SMARCA2: variants seen among roughly 807,000 people sequenced by gnomAD.
SMARCA2 encodes the protein SWI/SNF related BAF chromatin remodeling complex subunit ATPase 2.
Under a neutral mutation model 199.8 loss-of-function variants are expected in SMARCA2, and 61 were observed. The observed-to-expected ratio is 0.31, with a 90% confidence interval of 0.25 to 0.38. The LOEUF is 0.38. Among genes scored for constraint, SMARCA2 ranks in the 10% least tolerant of loss-of-function variants. The pLI is 1.00. For synonymous variants in SMARCA2, 935 were observed against 732.0 expected (o/e 1.28, Z -4.48); for missense variants, 1,344 against 2,012.2 (o/e 0.67, Z 6.35).
chr9:2,159,435 C>G (rs1825549956), intron 27 of SMARCA2: 2 of 211,864 alleles, frequency 9.4e-6, no homozygotes, highest in South Asian at 1.1e-4. Flanking sequence ...TTAGACTGCT[C>G]CAAACCATGC....
At chr9:2,096,553 G>GAGAC (rs1822282486) in intron 19 of SMARCA2, 104 bp from the exon 20 acceptor site, 1 of 730,686 alleles carries the variant, frequency 1.4e-6, no homozygotes, top group Non-Finnish European at 2.5e-6. Context: ...AAGAGAAAGA[G>GAGAC]AGACACCTTT....
At chr9:2,148,271 G>A (rs1365644313) in intron 27 of SMARCA2, among the ~76,000 whole-genome samples, 1 of 151,398 alleles carries the variant, frequency 6.6e-6, no homozygotes, top group Non-Finnish European at 1.5e-5. Context: ...AACATGTTTG[G>A]GAACACAGCT....
chr9:2,189,565 C>T (rs149940564), intron 32 of SMARCA2, among the ~76,000 whole-genome samples: 2 of 152,186 alleles, frequency 1.3e-5, no homozygotes, highest in African/African-American at 2.4e-5. Flanking sequence ...TGGCTTCTTT[C>T]ATCTATTTCT....
chr9:2,035,655 G>A lies in SMARCA2; in HGVS notation c.355+2574G>A, dbSNP rs992239921. On this transcript the variant is annotated intron_variant, in intron 3 of 33. Coordinates refer to ENST00000349721, the MANE Select transcript of SMARCA2 (RefSeq NM_003070.5). ...GATATTAGTAAATTTTGTTCAATTA[G>A]GTGTGGAAGTTTGTGTATTAAAGAG... Among the ~76,000 whole-genome samples the A allele has an allele frequency of 2.6e-5, 4 of 152,032 alleles. No individual in the cohort carries two copies. In the East Asian group the frequency reaches 7.7e-4, roughly 29 times the overall value.
At chr9:2,085,226 A>G (rs942333517) in intron 17 of SMARCA2, among the ~76,000 whole-genome samples, 9 of 152,224 alleles carry the variant, frequency 5.9e-5, no homozygotes, top group Non-Finnish European at 1.0e-4. Flanking sequence ...GGCAGTGTCA[A>G]AAATGATGTG....
At chr9:2,034,135 C>G (rs530787826) in intron 3 of SMARCA2, among the ~76,000 whole-genome samples, 1 of 148,508 alleles carries the variant, frequency 6.7e-6, no homozygotes, top group African/African-American at 2.5e-5. Context: ...GTCTCAGCTA[C>G]TTGGGAGGCT....
intron 28 of SMARCA2, among the ~76,000 whole-genome samples, chr9:2,168,898 C>G (rs919930429): frequency 1.3e-5 from 2 of 152,128 alleles, no homozygotes; most frequent in Admixed American, 6.5e-5. Flanking sequence ...GATGACAGAG[C>G]CATACCTAGC....
rs1357347237 is a variant in SMARCA2, at chr9:2,086,331, G to T, written c.2527-498G>T. Among the ~76,000 whole-genome samples the T allele has an allele frequency of 6.6e-6, 1 of 152,200 alleles. No individual in the cohort carries two copies. Among genetic ancestry groups the T allele is most frequent in the African/African-American group, 2.4e-5 (1 of 41,456 alleles). On this transcript the variant is annotated intron_variant, in intron 17 of 33. Transcript: ENST00000349721. This position sits in a 1 kb window ranked among gnomAD's most constrained non-coding sequence, Gnocchi z 4.3. ...AAGGTAGTAACCAGCCAGGCTAATAGAAAAGAAGGCATGGAGCCAAGAATA... is the reference window on the plus strand; with the variant it reads ...AAGGTAGTAACCAGCCAGGCTAATATAAAAGAAGGCATGGAGCCAAGAATA...
At chr9:2,154,686 GTGC>G (rs1825251625) in intron 27 of SMARCA2, among the ~76,000 whole-genome samples, 1 of 152,138 alleles carries the variant, frequency 6.6e-6, no homozygotes, top group Non-Finnish European at 1.5e-5. Flanking sequence ...ATTCATGAAG[GTGC>G]TTCCAAGTTG....
intron 10 of SMARCA2, among the ~76,000 whole-genome samples, chr9:2,071,189 T>C (rs1424345304): frequency 6.6e-6 from 1 of 152,212 alleles, no homozygotes; most frequent in Non-Finnish European, 1.5e-5. Context: ...AGGTTGCCAC[T>C]TCCCATTCTG....
chr9:2,029,392 G>A lies in SMARCA2; in HGVS notation c.225+145G>A, dbSNP rs12378503. 0.013 allele frequency: 15,635 copies of A among 1,205,266 alleles called. 148 individuals are homozygous for A. The highest frequency in any genetic ancestry group is 0.024 in the Middle Eastern group (85 of 3,594). 74.7% of individuals were successfully genotyped at this position (1,205,266 alleles called of 1,614,324 possible). A position where few individuals can be genotyped will look rare whatever the true frequency, so the allele number is the denominator to read the frequency against. ...GTATATCTCATATATTATTAAAAAC[G>A]CATATTGTGAGGTACTTTTATTGCT... On this transcript the variant is annotated intron_variant, in intron 2 of 33. Transcript: ENST00000349721.
intron 24 of SMARCA2, among the ~76,000 whole-genome samples, chr9:2,113,810 T>C (rs902437892): frequency 3.3e-5 from 5 of 152,188 alleles, no homozygotes; most frequent in African/African-American, 9.7e-5. Flanking sequence ...ATTTTTGTGG[T>C]TTTGTCAGCA....
intron 27 of SMARCA2, chr9:2,159,585 C>T: frequency 2.3e-6 from 1 of 427,386 alleles, no homozygotes; most frequent in Non-Finnish European, 4.1e-6. Context: ...ACCATCTGAG[C>T]TAAAATCTCT....
At chr9:2,168,125 C>T (rs1208823078) in intron 28 of SMARCA2, among the ~76,000 whole-genome samples, 1 of 151,426 alleles carries the variant, frequency 6.6e-6, no homozygotes, top group African/African-American at 2.4e-5. Flanking sequence ...AATTCTCCTG[C>T]CTCAGCCTCC....
At chr9:2,177,733 G>C (rs1360697156) in intron 29 of SMARCA2, among the ~76,000 whole-genome samples, 1 of 151,936 alleles carries the variant, frequency 6.6e-6, no homozygotes, top group Non-Finnish European at 1.5e-5. Context: ...TGTATTTTTA[G>C]TAGAGAGGGG....
intron 27 of SMARCA2, among the ~76,000 whole-genome samples, chr9:2,128,584 G>A (rs1286098620): frequency 6.6e-6 from 1 of 152,208 alleles, no homozygotes; most frequent in African/African-American, 2.4e-5. Flanking sequence ...AGAATCTGAT[G>A]GTTGGGTGGG....
chr9:2,187,434 G>C (rs556846374), intron 32 of SMARCA2, among the ~76,000 whole-genome samples: 1 of 152,138 alleles, frequency 6.6e-6, no homozygotes, highest in East Asian at 1.9e-4. Flanking sequence ...CACTCTGGGA[G>C]GCTGAGGCAG....
rs1355873617 is a variant in SMARCA2 at position 2,169,975 on chromosome 9, G to A, written c.4200-444G>A. Among the ~76,000 whole-genome samples, 1 of 152,154 alleles carries A rather than the reference G, an allele frequency of 6.6e-6. No individual in the cohort carries two copies. The highest frequency in any genetic ancestry group is 1.5e-5 in the Non-Finnish European group (1 of 68,032). On this transcript the variant is annotated intron_variant, in intron 28 of 33. Coordinates refer to ENST00000349721, the MANE Select transcript of SMARCA2 (RefSeq NM_003070.5). This position sits in a 1 kb window ranked among gnomAD's most constrained non-coding sequence, Gnocchi z 6.5. ...GAATACCTTCTTTGTGCAGGCTACTGTAAGAAAGCACTTTATCCTATTTAA... is the reference window on the plus strand; with the variant it reads ...GAATACCTTCTTTGTGCAGGCTACTATAAGAAAGCACTTTATCCTATTTAA...
rs1381880000 is a variant in SMARCA2, at chr9:2,110,450, C to T, written c.3456+33C>T. On this transcript the variant is annotated intron_variant, in intron 24 of 33. Coordinates refer to ENST00000349721, the MANE Select transcript of SMARCA2 (RefSeq NM_003070.5). This position sits in a 1 kb window ranked among gnomAD's most constrained non-coding sequence, Gnocchi z 4.8. ...TGTCCCACTCAGGTGCCCAGGCCTCCCTCTGGAGAGCAACTAAAAGATGAT... is the reference window on the plus strand; with the variant it reads ...TGTCCCACTCAGGTGCCCAGGCCTCTCTCTGGAGAGCAACTAAAAGATGAT... 2.6e-6 allele frequency: 4 copies of T among 1,523,156 alleles called. No individual in the cohort carries two copies. In the African/African-American group the frequency reaches 4.2e-5, roughly 16 times the overall value. The allele number at this position is 1,523,156 out of a possible 1,614,324, so 94.4% of individuals were successfully genotyped here. A position where few individuals can be genotyped will look rare whatever the true frequency, so the allele number is the denominator to read the frequency against.
Sources: gnomAD v4.1 joint callset for allele counts (sites outside exome capture counted in the v4.1 genomes callset) on GRCh38, gnomAD v4.1.1 for gene constraint, Gnocchi (gnomAD v3.1) non-coding constraint, MANE v1.5 for transcripts, NCBI Gene and HGNC (gene_info 2026-07-23, HGNC 2026-07-21) for gene names.